TGS1: variants seen among roughly 807,000 people sequenced by gnomAD.
The protein encoded by TGS1 is trimethylguanosine synthase 1, also known as trimethylguanosine synthase.
TGS1 carries 69 observed loss-of-function variants against 92.2 expected under a neutral mutation model. The ratio of observed to expected loss-of-function variants is 0.75; its 90% confidence interval spans 0.62 to 0.91. TGS1 has a LOEUF of 0.91. Ranked by LOEUF, TGS1 falls within the 40% of genes least tolerant of loss-of-function variation. The pLI is 0.00. For missense variants in TGS1, 1,062 were observed against 1,001.2 expected (o/e 1.06, Z -0.82); for synonymous variants, 345 against 338.1 (o/e 1.02, Z -0.22).
At chr8:55,800,642 C>T (rs545935379) in intron 8 of TGS1, among the ~76,000 whole-genome samples, 6 of 152,296 alleles carry the variant, frequency 3.9e-5, no homozygotes, top group Non-Finnish European at 8.8e-5. Context: ...AGGTCATGTA[C>T]AGGATGGTCT....
At chr8:55,821,550 A>G (rs1803634224) in intron 12 of TGS1, among the ~76,000 whole-genome samples, 1 of 152,068 alleles carries the variant, frequency 6.6e-6, no homozygotes, top group Admixed American at 6.6e-5. Context: ...ATTGGTTTTT[A>G]TGGAATTCTA....
At position 55,822,013 on chromosome 8, in the gene TGS1, CA is replaced by C. The variant is rs546693809; in HGVS notation, c.2440-2561del. Among the ~76,000 whole-genome samples the C allele has an allele frequency of 1.5e-4, 23 of 149,690 alleles. No individual in the cohort carries two copies. In the South Asian group the frequency reaches 2.9e-3, roughly 19 times the overall value. On this transcript the variant is annotated intron_variant, in intron 12 of 12. Coordinates refer to ENST00000260129, the MANE Select transcript of TGS1 (RefSeq NM_024831.8). ...ATTCATATTTTCGGATTTAGAAAGC[CA>C]AAAAAAGCCTATTTTAATGGCTTTC...
At position 55,798,912 on chromosome 8, in the gene TGS1, A is replaced by T; in HGVS notation, c.1543-2A>T. On this transcript the variant is annotated splice_acceptor_variant, in intron 7 of 12. Coordinates refer to ENST00000260129, the MANE Select transcript of TGS1 (RefSeq NM_024831.8). LOFTEE classifies it high-confidence loss of function. ...GCTCATGATGTCATCTTAAAATTTA[A>T]GGTAGAAAAATTCCTCACATGGGTT... The T allele has an allele frequency of 6.3e-7, 1 of 1,590,666 alleles. No homozygotes were observed. Among genetic ancestry groups the T allele is most frequent in the East Asian group, 2.2e-5 (1 of 44,662 alleles).
rs1293614646 is a variant in TGS1 at position 55,786,720 on chromosome 8, A to G, written c.822A>G (p.Thr274=). Residue 274 remains threonine (T), a synonymous_variant, in exon 4 of 13, where the codon ACA becomes ACG. Transcript: ENST00000260129. The stretch of plus-strand genomic sequence containing the variant: ...AAAGCTGTGATACAGATACTTACAC[A>G]TCTAAAACAGAAGCTGATGACAAGA... The part of the protein sequence containing the change: ...ASQSCDTDTY[T]SKTEADDKND... The G allele has an allele frequency of 6.2e-7, 1 of 1,614,082 alleles. No individual in the cohort carries two copies. The highest frequency in any genetic ancestry group is 8.5e-7 in the Non-Finnish European group (1 of 1,180,040).
chr8:55,796,089 A>G lies in TGS1; in HGVS notation c.1479A>G (p.Lys493=), dbSNP rs1187277827. 1.2e-6 allele frequency: 2 copies of G among 1,613,172 alleles called. No individual in the cohort carries two copies. The change falls in exon 7 of 13, where the codon AAA becomes AAG. Residue 493 remains lysine, a synonymous_variant. Coordinates refer to ENST00000260129, the MANE Select transcript of TGS1 (RefSeq NM_024831.8). ...GCAGACAAATAAAGATGAAAAACAAACACATCTTCTTTACCAAAGAGTCAG... is the reference window on the plus strand; with the variant it reads ...GCAGACAAATAAAGATGAAAAACAAGCACATCTTCTTTACCAAAGAGTCAG... ...DMRRQIKMKN[K]HIFFTKESEK... is the part of the protein sequence containing the mutation.
At chr8:55,811,963 A>G (rs1803352209) in intron 11 of TGS1, among the ~76,000 whole-genome samples, 1 of 152,194 alleles carries the variant, frequency 6.6e-6, no homozygotes, top group Non-Finnish European at 1.5e-5. Context: ...TAGAACACAT[A>G]CATTGGACTT....
intron 8 of TGS1, among the ~76,000 whole-genome samples, chr8:55,801,115 TTGATAG>T (rs1226455851): frequency 1.3e-5 from 2 of 152,248 alleles, no homozygotes; most frequent in South Asian, 4.1e-4. Context: ...AATCTAGTCC[TTGATAG>T]AAAGGAAATG....
At position 55,796,266 on chromosome 8, in the gene TGS1, TA is replaced by T; in HGVS notation, c.1542+116del. The T allele has an allele frequency of 7.1e-5, 57 of 805,984 alleles. No individual in the cohort carries two copies. In the Middle Eastern group the frequency reaches 1.2e-3, roughly 17 times the overall value. The allele number at this position is 805,984 out of a possible 1,614,324, so 49.9% of individuals were successfully genotyped here. On this transcript the variant is annotated intron_variant, in intron 7 of 12. Transcript: ENST00000260129. ...TGTTTCTACCAGGTATCAAGGTACATAATTTTTTTTTTTTTTACTTGCTTCT... is the reference window on the plus strand; with the variant it reads ...TGTTTCTACCAGGTATCAAGGTACATATTTTTTTTTTTTTTACTTGCTTCT...
Position 55,804,931 on chromosome 8 carries a change from C to T in TGS1, c.2038C>T (p.His680Tyr). 6.2e-7 allele frequency: 1 copy of T among 1,614,066 alleles called. No individual in the cohort carries two copies. The highest frequency in any genetic ancestry group is 8.5e-7 in the Non-Finnish European group (1 of 1,179,962). Residue 680 changes from histidine (H) to tyrosine (Y), a missense_variant, in exon 10 of 13, where the codon CAC becomes TAC. Transcript: ENST00000260129. The stretch of plus-strand genomic sequence containing the variant: ...AGTTACACCCGAGAAGATTGCTGAA[C>T]ACATTGCTGGCCGTGTTAGTCAGTC... ...FSVTPEKIAEHIAGRVSQSFK... is the reference protein window; with the variant it reads ...FSVTPEKIAEYIAGRVSQSFK...
At chr8:55,779,281 G>A (rs1811488801) in intron 1 of TGS1, among the ~76,000 whole-genome samples, 1 of 152,196 alleles carries the variant, frequency 6.6e-6, no homozygotes, top group Admixed American at 6.5e-5. Context: ...AAAGTTTTAA[G>A]TAAGAAACAG....
intron 8 of TGS1, among the ~76,000 whole-genome samples, chr8:55,801,595 T>C (rs1451398268): frequency 1.5e-5 from 2 of 131,356 alleles, no homozygotes; most frequent in African/African-American, 5.9e-5. Flanking sequence ...TTTTTTTTTT[T>C]TTTTTTTTTT....
At chr8:55,822,306 G>T (rs757757302) in intron 12 of TGS1, among the ~76,000 whole-genome samples, 1 of 151,976 alleles carries the variant, frequency 6.6e-6, no homozygotes, top group Admixed American at 6.6e-5. Flanking sequence ...TCCTGACCTC[G>T]TGATCCACCC....
At chr8:55,785,314 C>T (rs569370220) in intron 2 of TGS1, among the ~76,000 whole-genome samples, 80 of 152,078 alleles carry the variant, frequency 5.3e-4, no homozygotes, top group Non-Finnish European at 9.9e-4. Context: ...CCTCAGCCTC[C>T]GAAAGTGCTG....
chr8:55,815,897 T>C (rs1346678012), intron 12 of TGS1, among the ~76,000 whole-genome samples: 1 of 152,004 alleles, frequency 6.6e-6, no homozygotes, highest in African/African-American at 2.4e-5. Context: ...TTGAAATTGC[T>C]GTTGAAACCC....
chr8:55,818,589 G>C lies in TGS1; in HGVS notation c.2439+5471G>C, dbSNP rs148883066. On this transcript the variant is annotated intron_variant, in intron 12 of 12. Coordinates refer to ENST00000260129, the MANE Select transcript of TGS1 (RefSeq NM_024831.8). ...GGAAGTTTGCTGCTGCACAATTAGAGCAGAATCGTTTGTTCTTAAACCATA... is the reference window on the plus strand; with the variant it reads ...GGAAGTTTGCTGCTGCACAATTAGACCAGAATCGTTTGTTCTTAAACCATA... 1.2e-4 allele frequency among the ~76,000 whole-genome samples: 18 copies of C among 152,368 alleles called. 1 individual carries two copies. In the East Asian group the frequency reaches 3.3e-3, roughly 28 times the overall value.
chr8:55,806,069 T>C (rs554828946), intron 10 of TGS1, among the ~76,000 whole-genome samples: 3 of 150,386 alleles, frequency 2.0e-5, no homozygotes, highest in Admixed American at 1.3e-4. Flanking sequence ...TTAAAAAAAT[T>C]TGTAGGCCGG....
At chr8:55,808,268 A>T (rs1234087179) in intron 10 of TGS1, among the ~76,000 whole-genome samples, 1 of 152,160 alleles carries the variant, frequency 6.6e-6, no homozygotes, top group Non-Finnish European at 1.5e-5. Flanking sequence ...TTCACTATTT[A>T]CTATCAAAGT....
intron 12 of TGS1, among the ~76,000 whole-genome samples, chr8:55,816,868 T>A (rs867598472): frequency 8.6e-5 from 13 of 151,972 alleles, no homozygotes; most frequent in South Asian, 2.1e-4. Context: ...TTATTTATTT[T>A]TTTTTTTTTT....
Position 55,815,129 on chromosome 8 carries a change from T to G in TGS1, c.2439+2011T>G, listed in dbSNP as rs576025119. Among the ~76,000 whole-genome samples, 8 of 152,302 alleles carry G rather than the reference T, an allele frequency of 5.3e-5. No individual in the cohort carries two copies. The South Asian group carries it at 1.7e-3, about 32-fold the overall frequency. On this transcript the variant is annotated intron_variant, in intron 12 of 12. Transcript: ENST00000260129. ...GGAAATTCACTGTTTATCATGCAAT[T>G]TATGCTGATTAACTTTTTCTAGTTA...
Sources: allele counts gnomAD v4.1 joint callset (sites outside exome capture counted in the v4.1 genomes callset), GRCh38; gene constraint gnomAD v4.1.1; transcripts MANE v1.5; gene names NCBI Gene and HGNC (gene_info 2026-07-23, HGNC 2026-07-21).